EIF3J: variants seen among roughly 807,000 people sequenced by gnomAD.
EIF3J encodes eukaryotic translation initiation factor 3 subunit J.
Under a neutral mutation model 39.0 loss-of-function variants are expected in EIF3J, and 15 were observed. That is an observed-to-expected ratio of 0.38 (90% CI 0.26 to 0.59). The LOEUF is 0.59. Among genes scored for constraint, EIF3J ranks in the 20% least tolerant of loss-of-function variants. The pLI is 0.60. For missense variants in EIF3J, 226 were observed against 308.6 expected (o/e 0.73, Z 2.00); for synonymous variants, 98 against 112.9 (o/e 0.87, Z 0.84).
At chr15:44,549,156 G>C (rs1333037182) in intron 2 of EIF3J, among the ~76,000 whole-genome samples, 1 of 151,718 alleles carries the variant, frequency 6.6e-6, no homozygotes, top group Non-Finnish European at 1.5e-5. Flanking sequence ...CACTTCGGGA[G>C]GCTGAGGTGG....
At chr15:44,539,688 C>T (rs1459109170) in intron 2 of EIF3J, among the ~76,000 whole-genome samples, 1 of 151,972 alleles carries the variant, frequency 6.6e-6, no homozygotes, top group Non-Finnish European at 1.5e-5. Flanking sequence ...GCGTGAGCCA[C>T]CACACCCGGC....
chr15:44,560,177 G>A (rs1761145493), intron 6 of EIF3J, 72 bp from the exon 7 acceptor site: 2 of 1,210,486 alleles, frequency 1.7e-6, no homozygotes, highest in Admixed American at 2.2e-5. Flanking sequence ...TATATGGAAT[G>A]TACATATTTA....
At chr15:44,550,696 T>C in intron 2 of EIF3J, 180 bp from the exon 3 acceptor site, 1 of 479,228 alleles carries the variant, frequency 2.1e-6, no homozygotes, top group African/African-American at 2.0e-5. Context: ...AGACAGTTCT[T>C]ATTCTTGGTT....
intron 2 of EIF3J, among the ~76,000 whole-genome samples, chr15:44,538,114 C>T (rs2081976237): frequency 6.6e-6 from 1 of 152,218 alleles, no homozygotes; most frequent in African/African-American, 2.4e-5. Flanking sequence ...ACACATACGA[C>T]ACCTAAGGAA....
rs771790154 is a variant in EIF3J at position 44,537,436 on chromosome 15, G to A, written c.147+9G>A. The A allele has an allele frequency of 2.4e-5, 37 of 1,535,172 alleles. No homozygotes were observed. The South Asian group carries it at 2.9e-4, about 12-fold the overall frequency. On this transcript the variant is annotated intron_variant, in intron 2 of 7. Transcript: ENST00000261868. ...AGGACGAGGACGTCAAGGTGGGTGCGGGCTAGGGCGCCGGGCAGCGCGGAA... is the reference window on the plus strand; with the variant it reads ...AGGACGAGGACGTCAAGGTGGGTGCAGGCTAGGGCGCCGGGCAGCGCGGAA...
intron 2 of EIF3J, among the ~76,000 whole-genome samples, chr15:44,548,453 A>T (rs1049907847): frequency 3.9e-5 from 6 of 152,176 alleles, no homozygotes; most frequent in Admixed American, 2.6e-4. Context: ...TGGTACCGTT[A>T]TATGGAGAGA....
chr15:44,558,835 T>C (rs979366422), intron 6 of EIF3J: 4 of 152,200 alleles, frequency 2.6e-5, no homozygotes, highest in African/African-American at 7.2e-5. Flanking sequence ...CTACATTTGA[T>C]TGGTAATGTG....
chr15:44,561,048 G>A lies in EIF3J; in HGVS notation c.676G>A (p.Val226Met). The A allele has an allele frequency of 6.2e-7, 1 of 1,613,664 alleles. No individual in the cohort carries two copies. Among genetic ancestry groups the A allele is most frequent in the South Asian group, 1.1e-5 (1 of 91,074 alleles). The change falls in exon 8 of 8, where the codon GTG (valine) becomes ATG (methionine). Residue 226 changes from valine (V) to methionine (M), a missense_variant. Coordinates refer to ENST00000261868, the MANE Select transcript of EIF3J (RefSeq NM_003758.4). ...CAAAGCCAAAAAGAAGAAGAAAGGT[G>A]TGGTTCCTGGAGGGGGATTAAAAGC... ...QSKAKKKKKG[V>M]VPGGGLKATM...
chr15:44,537,923 C>G (rs962666039), intron 2 of EIF3J, among the ~76,000 whole-genome samples: 1 of 152,064 alleles, frequency 6.6e-6, no homozygotes, highest in Non-Finnish European at 1.5e-5. Context: ...GAATTTCAAC[C>G]TTTTTTTCCC....
intron 5 of EIF3J, among the ~76,000 whole-genome samples, chr15:44,555,054 G>GCTCTC (rs2082133133): frequency 6.6e-6 from 1 of 152,196 alleles, no homozygotes; most frequent in Non-Finnish European, 1.5e-5. Flanking sequence ...TGCTCCAGGT[G>GCTCTC]AGAGGCATGC....
At chr15:44,560,481 T>C in intron 7 of EIF3J, 159 bp downstream of exon 7, 1 of 597,802 alleles carries the variant, frequency 1.7e-6, no homozygotes, top group Non-Finnish European at 2.8e-6. Context: ...GCTATTACTG[T>C]CCTTTTGTTT....
At position 44,550,870 on chromosome 15, in the gene EIF3J, C is replaced by G; in HGVS notation, c.148-6C>G. 6.3e-7 allele frequency: 1 copy of G among 1,584,462 alleles called. No individual in the cohort carries two copies. On this transcript the variant is annotated splice_region_variant and splice_polypyrimidine_tract_variant and intron_variant, in intron 2 of 7. Coordinates refer to ENST00000261868, the MANE Select transcript of EIF3J (RefSeq NM_003758.4). ...AAGAATTATTAATGGAAGTCCTTTT[C>G]TTTAGGATAACTGGGATGACGATGA...
intron 5 of EIF3J, 94 bp from the exon 6 acceptor site, chr15:44,557,395 G>A (rs934978565): frequency 5.3e-6 from 5 of 937,852 alleles, no homozygotes; most frequent in East Asian, 3.0e-5. Flanking sequence ...AGAATGAAAC[G>A]ACAGGGTTAT....
At chr15:44,539,221 TC>T (rs1391117700) in intron 2 of EIF3J, among the ~76,000 whole-genome samples, 1 of 151,756 alleles carries the variant, frequency 6.6e-6, no homozygotes, top group Non-Finnish European at 1.5e-5. Flanking sequence ...AGACGGGGTT[TC>T]GCCATGTTGC....
intron 2 of EIF3J, among the ~76,000 whole-genome samples, chr15:44,541,782 A>T (rs1179159315): frequency 6.6e-6 from 1 of 152,224 alleles, no homozygotes; most frequent in African/African-American, 2.4e-5. Context: ...AATTCCAAAC[A>T]TGCAGTAGAG....
chr15:44,544,251 C>T (rs1179224296), intron 2 of EIF3J, among the ~76,000 whole-genome samples: 1 of 151,438 alleles, frequency 6.6e-6, no homozygotes, highest in African/African-American at 2.4e-5. Context: ...CACACCACCA[C>T]GCCCTGCTAA....
At chr15:44,548,464 C>G (rs535491132) in intron 2 of EIF3J, among the ~76,000 whole-genome samples, 1 of 152,052 alleles carries the variant, frequency 6.6e-6, no homozygotes, top group Non-Finnish European at 1.5e-5. Flanking sequence ...TATGGAGAGA[C>G]AGTAGACTAG....
At chr15:44,549,974 G>A (rs929826280) in intron 2 of EIF3J, among the ~76,000 whole-genome samples, 2 of 151,516 alleles carry the variant, frequency 1.3e-5, no homozygotes, top group Non-Finnish European at 2.9e-5. Context: ...AAAAAGTCTG[G>A]TAAATTTTAT....
chr15:44,549,953 C>CAA (rs761682769), intron 2 of EIF3J, among the ~76,000 whole-genome samples: 7 of 95,618 alleles, frequency 7.3e-5, no homozygotes, highest in East Asian at 5.6e-4. Flanking sequence ...AACTCCGTCT[C>CAA]AAAAAAAAAA....
Sources: gnomAD v4.1 joint callset for allele counts (sites outside exome capture counted in the v4.1 genomes callset) on GRCh38, gnomAD v4.1.1 for gene constraint, MANE v1.5 for transcripts, NCBI Gene and HGNC (gene_info 2026-07-23, HGNC 2026-07-21) for gene names.